Variants in SMARCB1 observed in about 807,000 individuals in gnomAD.
The protein encoded by SMARCB1 is SWI/SNF-related matrix-associated actin-dependent regulator of chromatin subfamily B member 1.
In SMARCB1, 5 loss-of-function variants were observed where a neutral mutation model predicts 49.0. The observed-to-expected ratio is 0.10, with a 90% confidence interval of 0.05 to 0.21. SMARCB1 has a LOEUF of 0.21. Ranked by LOEUF, SMARCB1 falls within the 10% of genes least tolerant of loss-of-function variation. The pLI, the probability that SMARCB1 is intolerant of heterozygous loss-of-function variation, is 1.00. For synonymous variants in SMARCB1, 201 were observed against 200.1 expected, an observed-to-expected ratio of 1.00 and a Z score of -0.04; for missense variants, 226 against 509.2, an observed-to-expected ratio of 0.44 and a Z score of 5.35.
At chr22:23,817,147 T>G in intron 6 of SMARCB1, 1 of 606,256 alleles carries the variant, frequency 1.6e-6, no homozygotes, top group Non-Finnish European at 3.0e-6. Flanking sequence ...TCCGGACACA[T>G]TCAGGGGGTG....
chr22:23,817,110 C>T, intron 6 of SMARCB1, 174 bp downstream of exon 6: 2 of 638,368 alleles, frequency 3.1e-6, no homozygotes, highest in South Asian at 1.8e-5. Context: ...AGGGCATAGG[C>T]TGAGTTCTCA....
chr22:23,792,812 C>T (rs1000912532), intron 2 of SMARCB1: 2 of 155,498 alleles, frequency 1.3e-5, no homozygotes, highest in African/African-American at 4.8e-5. Context: ...CCTAGCAGAG[C>T]ATCAGTCGCT....
At chr22:23,793,421 C>T in intron 2 of SMARCB1, 138 bp from the exon 3 acceptor site, 1 of 873,630 alleles carries the variant, frequency 1.1e-6, no homozygotes, top group South Asian at 1.3e-5. Flanking sequence ...AAGAGGCCAG[C>T]ATTCAGCAGT....
intron 7 of SMARCB1, among the ~76,000 whole-genome samples, chr22:23,829,105 G>A (rs2146033793): frequency 6.6e-6 from 1 of 152,358 alleles, no homozygotes; most frequent in Middle Eastern, 3.4e-3. Context: ...CCTCTGAGGA[G>A]AGCTGATCCT....
At chr22:23,797,609 CTTTTTTT>C (rs71184910) in intron 3 of SMARCB1, among the ~76,000 whole-genome samples, 5 of 36,292 alleles carry the variant, frequency 1.4e-4, no homozygotes, top group Non-Finnish European at 1.8e-4. Flanking sequence ...TGCGCCTGGC[CTTTTTTT>C]TTTTTTTTTT....
At position 23,825,202 on chromosome 22, in the gene SMARCB1, G is replaced by A. The variant is rs2030316255; in HGVS notation, c.796-23G>A. 2.5e-6 allele frequency: 4 copies of A among 1,611,560 alleles called. No individual in the cohort carries two copies. The East Asian group carries it at 8.9e-5, about 36-fold the overall frequency. On this transcript the variant is annotated intron_variant, in intron 6 of 8. Transcript: ENST00000644036. ...CCCTGGGCTGCAAAAGCTCTAACTT[G>A]TGTCCTTTGGTTGTTGCCTCAGCTG...
At chr22:23,810,268 T>C (rs1929783893) in intron 5 of SMARCB1, among the ~76,000 whole-genome samples, 1 of 151,644 alleles carries the variant, frequency 6.6e-6, no homozygotes, top group African/African-American at 2.4e-5. Context: ...GGCTCCCACC[T>C]GTAATCCCAG....
rs2031126603 is a variant in SMARCB1, at chr22:23,837,154, C to G, written c.*2974C>G. On this transcript the variant is annotated 3_prime_UTR_variant, in exon 9 of 9. Transcript: ENST00000644036. ...GTAGTAGATATGGCCCACCGCAATCCCTGTGAGACAGCCACGGACTGTGGG... is the reference window on the plus strand; with the variant it reads ...GTAGTAGATATGGCCCACCGCAATCGCTGTGAGACAGCCACGGACTGTGGG... The G allele has an allele frequency of 2.5e-6, 4 of 1,613,808 alleles. No individual in the cohort carries two copies. Among genetic ancestry groups the G allele is most frequent in the Non-Finnish European group, 2.5e-6 (3 of 1,179,860 alleles).
intron 5 of SMARCB1, chr22:23,815,279 A>T (rs1429332658): frequency 2.6e-5 from 4 of 152,178 alleles, no homozygotes; most frequent in Non-Finnish European, 5.9e-5. Context: ...TCACACCTGT[A>T]ATCCCAGCAC....
chr22:23,789,681 A>G (rs575777390), intron 1 of SMARCB1, among the ~76,000 whole-genome samples: 2 of 152,358 alleles, frequency 1.3e-5, no homozygotes, highest in African/African-American at 4.8e-5. Context: ...CCTGAGACCC[A>G]GGCTGTAAGA....
intron 3 of SMARCB1, among the ~76,000 whole-genome samples, chr22:23,797,609 CTTTTTTTTT>C (rs71184910): frequency 1.1e-4 from 4 of 36,274 alleles, no homozygotes; most frequent in Non-Finnish European, 1.8e-4. Context: ...TGCGCCTGGC[CTTTTTTTTT>C]TTTTTTTTTT....
intron 6 of SMARCB1, among the ~76,000 whole-genome samples, chr22:23,822,957 C>CATTTTTTTT (rs2030174062): frequency 1.4e-5 from 1 of 72,690 alleles, no homozygotes; most frequent in Non-Finnish European, 2.7e-5. Flanking sequence ...ACCAGCATAG[C>CATTTTTTTT]TTTTTTTTTT....
At chr22:23,830,204 CAG>C (rs1315843298) in intron 7 of SMARCB1, among the ~76,000 whole-genome samples, 14 of 152,186 alleles carry the variant, frequency 9.2e-5, no homozygotes, top group African/African-American at 3.4e-4. Flanking sequence ...CGTGACAACT[CAG>C]TGGTTAGCAT....
At chr22:23,822,762 C>T (rs923906380) in intron 6 of SMARCB1, among the ~76,000 whole-genome samples, 7 of 152,190 alleles carry the variant, frequency 4.6e-5, no homozygotes, top group Non-Finnish European at 1.0e-4. Context: ...CAGGGAGCCA[C>T]ATTCCTGCTC....
chr22:23,829,729 C>T (rs35135488), intron 7 of SMARCB1, among the ~76,000 whole-genome samples: 3 of 152,194 alleles, frequency 2.0e-5, no homozygotes, highest in African/African-American at 4.8e-5. Flanking sequence ...TATAGTGCAG[C>T]GGTTTTTGAT....
intron 6 of SMARCB1, chr22:23,817,644 C>G (rs961089333): frequency 1.0e-4 from 16 of 152,450 alleles, no homozygotes; most frequent in African/African-American, 3.9e-4. Context: ...TCTTTGGGGT[C>G]GAGGAGCCTC....
intron 2 of SMARCB1, 174 bp from the exon 3 acceptor site, chr22:23,793,385 G>A (rs1928526286): frequency 1.3e-5 from 10 of 754,910 alleles, no homozygotes; most frequent in Middle Eastern, 3.6e-4. Flanking sequence ...TGTAAGTAAA[G>A]CACTCAGTCC....
intron 4 of SMARCB1, 115 bp from the exon 5 acceptor site, chr22:23,803,180 G>A (rs1342860776): frequency 8.0e-6 from 11 of 1,377,736 alleles, no homozygotes; most frequent in African/African-American, 2.8e-5. Context: ...GCTGACAAGC[G>A]GCCATCTTCC....
chr22:23,800,980 C>T lies in SMARCB1; in HGVS notation c.399C>T (p.Pro133=), dbSNP rs1555877017. The T allele has an allele frequency of 6.2e-7, 1 of 1,614,160 alleles. No homozygotes were observed. Among genetic ancestry groups the T allele is most frequent in the Non-Finnish European group, 8.5e-7 (1 of 1,180,002 alleles). ...CCAAGAGGAACAGCCAGTGGGTACC[C>T]ACCCTGCCCAACAGCTCCCACCACT... ...QKAKRNSQWV[P]TLPNSSHHLD... The change falls in exon 4 of 9, where the codon CCC becomes CCT. Residue 133 remains proline, a synonymous_variant. Transcript: ENST00000644036.
Sources: allele counts gnomAD v4.1 joint callset (sites outside exome capture counted in the v4.1 genomes callset), GRCh38; gene constraint gnomAD v4.1.1; transcripts MANE v1.5; gene names NCBI Gene and HGNC (gene_info 2026-07-23, HGNC 2026-07-21).